Variants in ADAMTS20 observed in about 807,000 individuals in gnomAD.
ADAMTS20 encodes the protein ADAM metallopeptidase with thrombospondin type 1 motif 20.
Under a neutral mutation model 260.1 loss-of-function variants are expected in ADAMTS20, and 225 were observed. The ratio of observed to expected loss-of-function variants is 0.87; its 90% CI spans 0.78 to 0.97. The LOEUF (loss-of-function observed/expected upper bound fraction) is 0.97, where lower values mean the gene tolerates loss of function less well. Ranked by LOEUF, ADAMTS20 falls within the 50% of genes least tolerant of loss-of-function variation. The pLI is 0.00. For missense variants in ADAMTS20, 2,400 were observed against 2,337.7 expected (o/e 1.03, Z -0.55); for synonymous variants, 802 against 769.5 (o/e 1.04, Z -0.70).
chr12:43,396,214 A>G (rs933261400), intron 29 of ADAMTS20, among the ~76,000 whole-genome samples: 2 of 152,212 alleles, frequency 1.3e-5, no homozygotes, highest in Non-Finnish European at 2.9e-5. Context: ...CGTTAAAAAA[A>G]AAGATACAAA....
intron 37 of ADAMTS20, among the ~76,000 whole-genome samples, chr12:43,357,961 T>G (rs944700670): frequency 6.6e-6 from 1 of 152,264 alleles, no homozygotes; most frequent in Non-Finnish European, 1.5e-5. Flanking sequence ...ATTATTCTAT[T>G]TGATACTTAA....
intron 2 of ADAMTS20, among the ~76,000 whole-genome samples, chr12:43,540,085 T>C (rs1943356344): frequency 6.6e-6 from 1 of 152,230 alleles, no homozygotes; most frequent in South Asian, 2.1e-4. Context: ...GGTTTCACCA[T>C]GTTGGCCAGG....
At chr12:43,464,845 T>C in intron 9 of ADAMTS20, 113 bp from the exon 10 acceptor site, 6 of 1,223,892 alleles carry the variant, frequency 4.9e-6, no homozygotes, top group Non-Finnish European at 6.6e-6. Flanking sequence ...TCAGTATTTA[T>C]TCATAACTTT....
At chr12:43,445,855 A>G (rs1056019013) in intron 15 of ADAMTS20, among the ~76,000 whole-genome samples, 1 of 152,196 alleles carries the variant, frequency 6.6e-6, no homozygotes, top group Non-Finnish European at 1.5e-5. Flanking sequence ...CTGTCTCTAA[A>G]TAAATAAATG....
intron 28 of ADAMTS20, among the ~76,000 whole-genome samples, chr12:43,404,079 T>A (rs964650683): frequency 6.6e-6 from 1 of 152,060 alleles, no homozygotes; most frequent in Non-Finnish European, 1.5e-5. Flanking sequence ...AGAATTTTTT[T>A]AGCATCCTTT....
chr12:43,480,139 C>T (rs1015671933), intron 7 of ADAMTS20, among the ~76,000 whole-genome samples: 6 of 152,086 alleles, frequency 3.9e-5, no homozygotes, highest in Non-Finnish European at 7.4e-5. Context: ...AATGGTTAAC[C>T]TTCCGCAAAG....
intron 14 of ADAMTS20, 100 bp downstream of exon 14, chr12:43,452,174 T>C: frequency 1.6e-6 from 2 of 1,264,746 alleles, no homozygotes; most frequent in Non-Finnish European, 2.1e-6. Flanking sequence ...CATAAGAACA[T>C]ATGCTGAAAT....
At chr12:43,409,022 C>CT (rs567333315) in intron 28 of ADAMTS20, among the ~76,000 whole-genome samples, 1 of 151,778 alleles carries the variant, frequency 6.6e-6, no homozygotes, top group South Asian at 2.1e-4. Context: ...ACCTGTATTC[C>CT]TTTTTTTTAC....
intron 32 of ADAMTS20, 136 bp downstream of exon 32, chr12:43,377,229 C>T: frequency 1.6e-6 from 1 of 615,552 alleles, no homozygotes; most frequent in East Asian, 2.9e-5. Flanking sequence ...ATATAAATAA[C>T]TGGTAATGTG....
chr12:43,531,948 T>G (rs1176802025), intron 3 of ADAMTS20, 88 bp downstream of exon 3: 1 of 854,164 alleles, frequency 1.2e-6, no homozygotes, highest in Middle Eastern at 4.1e-4. Flanking sequence ...AATAAAATAT[T>G]GAAGGGAAAT....
At chr12:43,465,340 C>G (rs1469949149) in intron 9 of ADAMTS20, among the ~76,000 whole-genome samples, 3 of 152,026 alleles carry the variant, frequency 2.0e-5, no homozygotes, top group Non-Finnish European at 2.9e-5. Context: ...ATCTCCCTCT[C>G]TCCCTGAACC....
rs758093162 is a variant in ADAMTS20 at position 43,502,188 on chromosome 12, C to T, written c.831G>A (p.Ser277=). 4.7e-5 allele frequency: 76 copies of T among 1,606,028 alleles called. 1 individual carries two copies. Among genetic ancestry groups the T allele is most frequent in the South Asian group, 6.7e-5 (6 of 89,488 alleles). Residue 277 remains serine (S), a synonymous_variant, in exon 4 of 39, where the codon TCG becomes TCA. Transcript: ENST00000389420. ...GAGTCAGTATATAGTTTTGCAAATT[C>T]GATCCATGAGCAGAAACCACTTTAG... is the stretch of plus-strand genomic sequence containing the variant. ...ADAKVVSAHG[S]NLQNYILTLM...
chr12:43,411,433 T>C (rs1941029857), intron 28 of ADAMTS20, among the ~76,000 whole-genome samples: 1 of 152,196 alleles, frequency 6.6e-6, no homozygotes, highest in Non-Finnish European at 1.5e-5. Flanking sequence ...AATGGCACGA[T>C]CTCGGCTCAC....
intron 3 of ADAMTS20, among the ~76,000 whole-genome samples, chr12:43,513,223 C>T (rs960698520): frequency 3.3e-5 from 5 of 152,176 alleles, no homozygotes; most frequent in Non-Finnish European, 7.3e-5. Context: ...ACTATGTGTA[C>T]TAACAAGACA....
At chr12:43,426,742 C>T (rs1941340666) in intron 27 of ADAMTS20, among the ~76,000 whole-genome samples, 1 of 152,098 alleles carries the variant, frequency 6.6e-6, no homozygotes, top group Admixed American at 6.6e-5. Context: ...ATTTTTATAT[C>T]AACCTAATTT....
chr12:43,440,139 C>CTTTTTTTTTTTTTTTTTTTTTTTTTTT (rs35606718), intron 16 of ADAMTS20, 70 bp from the exon 17 acceptor site: 1 of 501,848 alleles, frequency 2.0e-6, no homozygotes, highest in Non-Finnish European at 3.0e-6. Context: ...ACTTGTTTAA[C>CTTTTTTTTTTTTTTTTTTTTTTTTTTT]TTTTTTTTTT....
At chr12:43,500,806 T>A (rs909063981) in intron 4 of ADAMTS20, among the ~76,000 whole-genome samples, 1 of 152,290 alleles carries the variant, frequency 6.6e-6, no homozygotes, top group South Asian at 2.1e-4. Flanking sequence ...TTAGGCAACG[T>A]AGACTATGGT....
chr12:43,478,386 G>A (rs962512357), intron 7 of ADAMTS20, among the ~76,000 whole-genome samples: 3 of 151,796 alleles, frequency 2.0e-5, no homozygotes, highest in African/African-American at 4.8e-5. Flanking sequence ...AAAAATGAAA[G>A]CACAGACAGC....
intron 31 of ADAMTS20, 24 bp downstream of exon 31, chr12:43,383,534 C>G: frequency 6.4e-7 from 1 of 1,571,372 alleles, no homozygotes; most frequent in Non-Finnish European, 8.6e-7. Context: ...AGCAAAAATT[C>G]TCAACTTCCT....
Sources: allele counts gnomAD v4.1 joint callset (sites outside exome capture counted in the v4.1 genomes callset), GRCh38; gene constraint gnomAD v4.1.1; transcripts MANE v1.5; gene names NCBI Gene and HGNC (gene_info 2026-07-23, HGNC 2026-07-21).